SELENOF: variants seen among roughly 807,000 people sequenced by gnomAD.
SELENOF encodes the protein selenoprotein F.
A neutral mutation model predicts 20.5 loss-of-function variants in SELENOF; 16 were observed. That is an observed-to-expected ratio of 0.78 (90% confidence interval 0.53 to 1.19). The LOEUF (loss-of-function observed/expected upper bound fraction) is 1.19, where lower values mean the gene tolerates loss of function less well. SELENOF is among the 50% of genes most tolerant of loss of function. SELENOF has a pLI of 0.00. For missense variants in SELENOF, 215 were observed against 194.2 expected (o/e 1.11, Z -0.64); for synonymous variants, 78 against 74.5 (o/e 1.05, Z -0.24).
chr1:86,903,648 G>A (rs1659760612), intron 1 of SELENOF, among the ~76,000 whole-genome samples, 200 bp from the exon 2 acceptor site: 1 of 152,078 alleles, frequency 6.6e-6, no homozygotes, highest in Non-Finnish European at 1.5e-5. Context: ...AGGCTGGAGG[G>A]CAGTGGTGCA....
chr1:86,896,946 T>G (rs181319419), intron 2 of SELENOF, among the ~76,000 whole-genome samples: 93 of 152,288 alleles, frequency 6.1e-4, no homozygotes, highest in Non-Finnish European at 1.1e-3. Flanking sequence ...ACAGCCTTAT[T>G]CAAGGGCAAG....
Position 86,863,503 on chromosome 1 carries a change from ATTC to A in SELENOF, c.466_468del (p.Glu156del), listed in dbSNP as rs1658512800. On this transcript the variant is annotated inframe_deletion, in exon 5 of 5. Coordinates refer to ENST00000331835, the MANE Select transcript of SELENOF (RefSeq NM_004261.5). The stretch of plus-strand genomic sequence containing the variant: ...ATGCGTTCCAACTTTTCACTCAGGA[ATTC>A]TTCTACACTGTCTGTGTTCCATTTG... The A allele has an allele frequency of 6.2e-7, 1 of 1,611,922 alleles. No individual in the cohort carries two copies. Among genetic ancestry groups the A allele is most frequent in the African/African-American group, 1.3e-5 (1 of 74,802 alleles).
At chr1:86,913,547 G>A (rs1331067704) in intron 1 of SELENOF, among the ~76,000 whole-genome samples, 1 of 152,206 alleles carries the variant, frequency 6.6e-6, no homozygotes, top group East Asian at 1.9e-4. Context: ...AATAGCAGAG[G>A]AGAACGGAAG....
At chr1:86,871,448 TTAC>T (rs1454347044) in intron 3 of SELENOF, among the ~76,000 whole-genome samples, 2 of 152,234 alleles carry the variant, frequency 1.3e-5, no homozygotes, top group African/African-American at 4.8e-5. Context: ...GAATTTTCTC[TTAC>T]TACTTCAAAA....
At chr1:86,890,093 C>T (rs1659337694) in intron 2 of SELENOF, among the ~76,000 whole-genome samples, 1 of 151,944 alleles carries the variant, frequency 6.6e-6, no homozygotes, top group Non-Finnish European at 1.5e-5. Flanking sequence ...GTATATAAGG[C>T]CCTCTATTAT....
At chr1:86,874,622 T>A (rs1658877175) in intron 3 of SELENOF, among the ~76,000 whole-genome samples, 1 of 151,956 alleles carries the variant, frequency 6.6e-6, no homozygotes, top group African/African-American at 2.4e-5. Flanking sequence ...GTCCTCCTCC[T>A]TGTTCTAGAA....
intron 2 of SELENOF, 56 bp from the exon 3 acceptor site, chr1:86,880,781 T>C: frequency 9.2e-7 from 1 of 1,091,184 alleles, no homozygotes; most frequent in Non-Finnish European, 1.3e-6. Flanking sequence ...AATGTACTTA[T>C]AAAATAAATA....
chr1:86,895,518 C>T lies in SELENOF; in HGVS notation c.252+7763G>A, dbSNP rs527928357. On this transcript the variant is annotated intron_variant, in intron 2 of 4. Transcript: ENST00000331835. ...CTATGAGACAGGAACTATAATTATC[C>T]CCAATTTATAGTTATAAAAACAGAC... 2.0e-5 allele frequency among the ~76,000 whole-genome samples: 3 copies of T among 152,218 alleles called. No individual in the cohort carries two copies. In the South Asian group the frequency reaches 6.2e-4, roughly 32 times the overall value.
chr1:86,901,149 T>C (rs997125988), intron 2 of SELENOF, among the ~76,000 whole-genome samples: 3 of 152,220 alleles, frequency 2.0e-5, no homozygotes, highest in South Asian at 4.1e-4. Flanking sequence ...TATTAGACTT[T>C]TACTTTTATT....
At chr1:86,880,518 G>A (rs1209389877) in intron 3 of SELENOF, 144 bp downstream of exon 3, 9 of 498,288 alleles carry the variant, frequency 1.8e-5, no homozygotes, top group South Asian at 3.4e-5. Context: ...CCACTTCCAT[G>A]AAAACAAATT....
intron 1 of SELENOF, among the ~76,000 whole-genome samples, chr1:86,904,655 G>C (rs1051189289): frequency 6.6e-6 from 1 of 151,996 alleles, no homozygotes; most frequent in African/African-American, 2.4e-5. Context: ...CTATAACTTG[G>C]TTTCTATTAT....
intron 2 of SELENOF, among the ~76,000 whole-genome samples, chr1:86,900,343 C>G (rs1426315023): frequency 6.6e-6 from 1 of 152,240 alleles, no homozygotes; most frequent in East Asian, 1.9e-4. Context: ...CCCGGCACCT[C>G]TGGAGGCCGA....
At chr1:86,894,607 A>C (rs892327374) in intron 2 of SELENOF, among the ~76,000 whole-genome samples, 6 of 152,172 alleles carry the variant, frequency 3.9e-5, no homozygotes, top group African/African-American at 1.4e-4. Flanking sequence ...TGGGAGTCCC[A>C]GGGAGAGGAT....
At chr1:86,898,558 T>G (rs1369562060) in intron 2 of SELENOF, among the ~76,000 whole-genome samples, 1 of 151,186 alleles carries the variant, frequency 6.6e-6, no homozygotes, top group Non-Finnish European at 1.5e-5. Flanking sequence ...GCATTCTATA[T>G]AAACTCTGAC....
chr1:86,912,014 T>C (rs761128813), intron 1 of SELENOF, among the ~76,000 whole-genome samples: 4 of 152,112 alleles, frequency 2.6e-5, no homozygotes, highest in Non-Finnish European at 5.9e-5. Flanking sequence ...TCAGGTGATT[T>C]GCCCACCTCA....
chr1:86,884,595 A>C (rs1338191575), intron 2 of SELENOF, among the ~76,000 whole-genome samples: 1 of 152,218 alleles, frequency 6.6e-6, no homozygotes, highest in Admixed American at 6.5e-5. Flanking sequence ...CTAGTGCATA[A>C]AGAAATGACA....
chr1:86,899,211 C>T (rs964426228), intron 2 of SELENOF, among the ~76,000 whole-genome samples: 2 of 151,596 alleles, frequency 1.3e-5, no homozygotes, highest in African/African-American at 2.4e-5. Flanking sequence ...GGCAACCATC[C>T]GATTTCTCAA....
At chr1:86,872,958 TGAACCTGGGAGGCGGAGCTTG>T (rs1658818431) in intron 3 of SELENOF, among the ~76,000 whole-genome samples, 1 of 151,934 alleles carries the variant, frequency 6.6e-6, no homozygotes, top group Non-Finnish European at 1.5e-5. Flanking sequence ...GAGAATGGCG[TGAACCTGGGAGGCGGAGCTTG>T]CAGTGAGCCA....
At chr1:86,908,605 C>T (rs984743857) in intron 1 of SELENOF, among the ~76,000 whole-genome samples, 1 of 152,138 alleles carries the variant, frequency 6.6e-6, no homozygotes, top group Non-Finnish European at 1.5e-5. Flanking sequence ...ATCGTATGTA[C>T]CACTAATAAC....
Sources: allele counts gnomAD v4.1 joint callset (sites outside exome capture counted in the v4.1 genomes callset), GRCh38; gene constraint gnomAD v4.1.1; transcripts MANE v1.5; gene names NCBI Gene and HGNC (gene_info 2026-07-23, HGNC 2026-07-21).